The following ERBB4 variants were observed in gnomAD, a reference collection of about 807,000 sequenced individuals.
ERBB4 encodes the protein erb-b2 receptor tyrosine kinase 4.
A neutral mutation model predicts 158.0 loss-of-function variants in ERBB4; 42 were observed. That is an observed-to-expected ratio of 0.27 (90% CI 0.21 to 0.34). The LOEUF (loss-of-function observed/expected upper bound fraction) is 0.34, where lower values mean the gene tolerates loss of function less well. Among genes scored for constraint, ERBB4 ranks in the 10% least tolerant of loss-of-function variants. The pLI is 1.00. For missense variants in ERBB4, 1,333 were observed against 1,624.1 expected (o/e 0.82, Z 3.08); for synonymous variants, 583 against 558.7 (o/e 1.04, Z -0.61).
At chr2:211,754,195 G>A (rs994060721) in intron 4 of ERBB4, among the ~76,000 whole-genome samples, 12 of 151,990 alleles carry the variant, frequency 7.9e-5, no homozygotes, top group Admixed American at 5.9e-4. Context: ...GAGATCTTAT[G>A]TGTCTGTCAT....
chr2:211,766,094 G>C (rs781084099), intron 4 of ERBB4, among the ~76,000 whole-genome samples: 16 of 151,988 alleles, frequency 1.1e-4, no homozygotes, highest in Non-Finnish European at 1.9e-4. Flanking sequence ...ATTTTGCCAA[G>C]AACTTTAAGA....
intron 2 of ERBB4, among the ~76,000 whole-genome samples, chr2:212,073,631 T>C (rs1188444471): frequency 1.3e-5 from 2 of 151,976 alleles, no homozygotes; most frequent in Non-Finnish European, 2.9e-5. Context: ...AGGAGTCTTC[T>C]TGATGCAGTG....
intron 2 of ERBB4, among the ~76,000 whole-genome samples, chr2:212,086,354 C>T (rs1228803388): frequency 6.9e-6 from 1 of 144,798 alleles, no homozygotes; most frequent in African/African-American, 2.5e-5. Context: ...TGCATTCTCC[C>T]CACCAAAAAA....
chr2:212,159,057 G>A (rs778551791), intron 1 of ERBB4, among the ~76,000 whole-genome samples: 9 of 151,896 alleles, frequency 5.9e-5, no homozygotes, highest in Non-Finnish European at 8.8e-5. Flanking sequence ...TGAGTAGGCA[G>A]GTAAGAAGAA....
At chr2:212,401,914 T>C (rs2091217433) in intron 1 of ERBB4, among the ~76,000 whole-genome samples, 1 of 152,134 alleles carries the variant, frequency 6.6e-6, no homozygotes, top group South Asian at 2.1e-4. Flanking sequence ...GGAACAAACA[T>C]ATATTACTAC....
intron 1 of ERBB4, among the ~76,000 whole-genome samples, chr2:212,427,355 C>T (rs755266042): frequency 6.6e-6 from 1 of 152,110 alleles, no homozygotes; most frequent in Non-Finnish European, 1.5e-5. Flanking sequence ...GGTACTTGGA[C>T]TTAAGAAAAC....
chr2:212,021,377 A>C (rs1338845559), intron 2 of ERBB4, among the ~76,000 whole-genome samples: 1 of 152,160 alleles, frequency 6.6e-6, no homozygotes, highest in Non-Finnish European at 1.5e-5. Flanking sequence ...ACAGGCACAT[A>C]GACCAATGGA....
At chr2:212,047,835 A>G (rs1324534101) in intron 2 of ERBB4, among the ~76,000 whole-genome samples, 2 of 152,128 alleles carry the variant, frequency 1.3e-5, no homozygotes, top group Non-Finnish European at 2.9e-5. Context: ...ATATTTGATG[A>G]TTCTTATAGA....
chr2:211,774,603 C>A (rs1161952187), intron 4 of ERBB4, among the ~76,000 whole-genome samples: 1 of 152,148 alleles, frequency 6.6e-6, no homozygotes, highest in Non-Finnish European at 1.5e-5. Context: ...TACTTTTGAA[C>A]GGTTAGGATA....
chr2:211,779,083 T>G (rs2075971374), intron 4 of ERBB4: 1 of 152,166 alleles, frequency 6.6e-6, no homozygotes, highest in Non-Finnish European at 1.5e-5. Context: ...TTCTTAGGAT[T>G]TATCATATGG....
intron 2 of ERBB4, among the ~76,000 whole-genome samples, chr2:212,039,174 C>G (rs1490308885): frequency 6.6e-6 from 1 of 152,102 alleles, no homozygotes; most frequent in South Asian, 2.1e-4. Flanking sequence ...TTTCTGCTTT[C>G]ATGATACCCA....
chr2:211,613,938 A>T (rs1002453586), intron 19 of ERBB4, among the ~76,000 whole-genome samples: 7 of 152,218 alleles, frequency 4.6e-5, no homozygotes, highest in Admixed American at 3.9e-4. Context: ...AAAATAAAGG[A>T]AATCAATATA....
At position 211,932,510 on chromosome 2, in the gene ERBB4, A is replaced by G. The variant is rs544842600; in HGVS notation, c.421+14920T>C. Among the ~76,000 whole-genome samples, 152 of 152,078 alleles carry G rather than the reference A, an allele frequency of 1.0e-3. 2 individuals carry two copies. In the Middle Eastern group the frequency reaches 0.014, roughly 14 times the overall value. ...AAGGACATTCCCTATTTCACCAGCT[A>G]GTTGATTTAAATAGTCATTTGAAAT... On this transcript the variant is annotated intron_variant, in intron 3 of 27. Transcript: ENST00000342788.
Position 212,460,113 on chromosome 2 carries a change from C to T in ERBB4, c.82+78336G>A, listed in dbSNP as rs114409883. Among the ~76,000 whole-genome samples the T allele has an allele frequency of 3.9e-3, 597 of 152,292 alleles. 6 individuals carry two copies. The highest frequency in any genetic ancestry group is 0.014 in the African/African-American group (568 of 41,558). On this transcript the variant is annotated intron_variant, in intron 1 of 27. Coordinates refer to ENST00000342788, the MANE Select transcript of ERBB4 (RefSeq NM_005235.3). ...GCTCTCTCTCCTTGCCTGCTGCCAT[C>T]CACATAAGACATGACTTGCTCTTCC...
chr2:211,809,668 G>C (rs930156277), intron 3 of ERBB4, among the ~76,000 whole-genome samples: 2 of 151,982 alleles, frequency 1.3e-5, no homozygotes, highest in East Asian at 1.9e-4. Flanking sequence ...TTTTTTGAAG[G>C]GGTTTTGGGT....
chr2:211,837,163 A>T (rs193281152), intron 3 of ERBB4, among the ~76,000 whole-genome samples: 71 of 152,244 alleles, frequency 4.7e-4, no homozygotes, highest in Admixed American at 1.2e-3. Flanking sequence ...ATCACAGGAT[A>T]TTGTGCATGA....
chr2:211,477,541 T>A (rs1045087171), intron 20 of ERBB4, among the ~76,000 whole-genome samples: 8 of 152,142 alleles, frequency 5.3e-5, no homozygotes, highest in Non-Finnish European at 1.0e-4. Context: ...GCTTCTGGGT[T>A]GGGTGGCAAA....
chr2:212,307,656 AC>A (rs1303215110), intron 1 of ERBB4, among the ~76,000 whole-genome samples: 2 of 151,172 alleles, frequency 1.3e-5, no homozygotes, highest in African/African-American at 4.8e-5. Context: ...TGTTTCTAGG[AC>A]GGGTCCTTTC....
chr2:212,079,175 T>C (rs550449145), intron 2 of ERBB4, among the ~76,000 whole-genome samples: 2 of 150,674 alleles, frequency 1.3e-5, no homozygotes, highest in Non-Finnish European at 1.5e-5. Flanking sequence ...GCTGGAAATA[T>C]TAGGTCAAAG....
Sources: allele counts gnomAD v4.1 joint callset (sites outside exome capture counted in the v4.1 genomes callset), GRCh38; gene constraint gnomAD v4.1.1; transcripts MANE v1.5; gene names NCBI Gene and HGNC (gene_info 2026-07-23, HGNC 2026-07-21).